The following USH2A variants were observed in gnomAD, a reference collection of about 807,000 sequenced individuals.
The protein encoded by USH2A is Usher syndrome 2A (autosomal recessive, mild).
In USH2A, 443 loss-of-function variants were observed where a neutral mutation model predicts 538.9. That is an observed-to-expected ratio of 0.82 (90% confidence interval 0.76 to 0.89). The LOEUF (loss-of-function observed/expected upper bound fraction) is 0.89, where lower values mean the gene tolerates loss of function less well. USH2A is among the 40% of genes least tolerant of loss of function. The pLI, the probability that USH2A is intolerant of heterozygous loss-of-function variation, is 0.00. For synonymous variants in USH2A, 2,413 were observed against 2,273.5 expected, an observed-to-expected ratio of 1.06 and a Z score of -1.75; for missense variants, 6,633 against 6,324.8, an observed-to-expected ratio of 1.05 and a Z score of -1.65.
intron 38 of USH2A, among the ~76,000 whole-genome samples, chr1:215,928,105 TAC>T (rs1320484531): frequency 6.6e-6 from 1 of 152,028 alleles, no homozygotes; most frequent in Non-Finnish European, 1.5e-5. Context: ...ATATTCAAAT[TAC>T]ACACAGTTTC....
At chr1:216,413,459 G>A (rs191691691) in intron 3 of USH2A, among the ~76,000 whole-genome samples, 106 of 152,080 alleles carry the variant, frequency 7.0e-4, no homozygotes, top group Middle Eastern at 3.4e-3. Context: ...GAGAGACTTG[G>A]TTTATCTATT....
intron 62 of USH2A, among the ~76,000 whole-genome samples, chr1:215,676,405 G>C (rs1658028883): frequency 6.6e-6 from 1 of 152,016 alleles, no homozygotes; most frequent in Non-Finnish European, 1.5e-5. Flanking sequence ...AGGTGTTTTT[G>C]AACAGTGATT....
At chr1:215,629,082 C>A (rs752039792) in intron 70 of USH2A, 47 bp from the exon 71 acceptor site, 1 of 1,548,034 alleles carries the variant, frequency 6.5e-7, no homozygotes, top group Non-Finnish European at 8.9e-7. Context: ...AGAATATGGG[C>A]TTGAAATATG....
At chr1:215,824,068 T>A (rs576774307) in intron 47 of USH2A, among the ~76,000 whole-genome samples, 11 of 152,228 alleles carry the variant, frequency 7.2e-5, no homozygotes, top group African/African-American at 2.6e-4. Context: ...AGATCCTACT[T>A]CCCTGTTTAA....
chr1:215,938,437 C>T (rs138619753), intron 37 of USH2A, among the ~76,000 whole-genome samples: 168 of 152,198 alleles, frequency 1.1e-3, no homozygotes, highest in African/African-American at 3.8e-3. Context: ...TTTTAAAATG[C>T]TTGTGCTCAG....
intron 43 of USH2A, among the ~76,000 whole-genome samples, chr1:215,875,662 T>C (rs1664743350): frequency 2.0e-5 from 3 of 151,940 alleles, no homozygotes; most frequent in African/African-American, 7.2e-5. Flanking sequence ...TTTTGGAAAC[T>C]TATTCTTTGT....
chr1:216,197,934 G>T (rs2034888341), intron 18 of USH2A, among the ~76,000 whole-genome samples: 2 of 152,102 alleles, frequency 1.3e-5, no homozygotes, highest in Admixed American at 1.3e-4. Context: ...TGTGGAATTG[G>T]TGACAGTTAT....
chr1:215,846,400 C>T (rs1663847446), intron 44 of USH2A, among the ~76,000 whole-genome samples: 1 of 152,006 alleles, frequency 6.6e-6, no homozygotes, highest in Non-Finnish European at 1.5e-5. Context: ...GTTTTGTAGA[C>T]ACAGGGTCTT....
chr1:215,913,447 C>T (rs1406238064), intron 38 of USH2A, among the ~76,000 whole-genome samples: 1 of 152,110 alleles, frequency 6.6e-6, no homozygotes, highest in South Asian at 2.1e-4. Context: ...CTTTGCTGAC[C>T]TGTTATGGGC....
In USH2A at chr1:216,190,442, C is replaced by T. The variant is rs1397825386; in HGVS notation, c.4252-75G>A. On this transcript the variant is annotated intron_variant, in intron 19 of 71. Coordinates refer to ENST00000307340, the MANE Select transcript of USH2A (RefSeq NM_206933.4). Reference sequence around the variant, plus strand: ...AGTGTGAAAATATAACCTTGGCAGTCAAAGTTCCATGAATTCAGACAGAGG... The same window carrying T: ...AGTGTGAAAATATAACCTTGGCAGTTAAAGTTCCATGAATTCAGACAGAGG... 15 of 1,542,104 alleles carry T rather than the reference C, an allele frequency of 9.7e-6. No homozygotes were observed. In the African/African-American group the frequency reaches 1.4e-4, roughly 14 times the overall value.
At chr1:216,216,601 C>A (rs557499217) in intron 15 of USH2A, among the ~76,000 whole-genome samples, 3 of 152,068 alleles carry the variant, frequency 2.0e-5, no homozygotes, top group South Asian at 4.2e-4. Context: ...CACATGTTCC[C>A]AGCAGGCATT....
Position 215,814,258 on chromosome 1 carries a change from A to G in USH2A, c.9571-354T>C, listed in dbSNP as rs553334519. Among the ~76,000 whole-genome samples, 548 of 147,032 alleles carry G rather than the reference A, an allele frequency of 3.7e-3. 3 individuals are homozygous for G. Among genetic ancestry groups the G allele is most frequent in the African/African-American group, 0.013 (520 of 40,794 alleles). Reference sequence around the variant, plus strand: ...ATAAGATGTATATCTTATATCTTACACATACACATATGTATATATACATAA... The same window carrying G: ...ATAAGATGTATATCTTATATCTTACGCATACACATATGTATATATACATAA... On this transcript the variant is annotated intron_variant, in intron 48 of 71. Coordinates refer to ENST00000307340, the MANE Select transcript of USH2A (RefSeq NM_206933.4).
intron 61 of USH2A, among the ~76,000 whole-genome samples, chr1:215,699,072 G>A (rs1286438734): frequency 6.6e-6 from 1 of 152,174 alleles, no homozygotes; most frequent in African/African-American, 2.4e-5. Context: ...TTATTAAATA[G>A]GGAATCCTTT....
intron 58 of USH2A, among the ~76,000 whole-genome samples, chr1:215,753,588 A>G (rs1161845017): frequency 6.6e-6 from 1 of 151,950 alleles, no homozygotes; most frequent in Admixed American, 6.6e-5. Flanking sequence ...ACATGTTCTC[A>G]CTCATAGGTG....
intron 44 of USH2A, among the ~76,000 whole-genome samples, chr1:215,866,622 A>G (rs936042775): frequency 6.6e-6 from 1 of 152,228 alleles, no homozygotes; most frequent in Non-Finnish European, 1.5e-5. Flanking sequence ...GAACAATAGT[A>G]CATTGTATCC....
chr1:216,280,068 G>C (rs747158151), intron 11 of USH2A, among the ~76,000 whole-genome samples: 12 of 151,664 alleles, frequency 7.9e-5, no homozygotes, highest in Non-Finnish European at 2.9e-5. Flanking sequence ...CTCCAGATAT[G>C]TCAAAGTACA....
At chr1:216,098,427 G>A (rs1481755955) in intron 21 of USH2A, among the ~76,000 whole-genome samples, 1 of 152,188 alleles carries the variant, frequency 6.6e-6, no homozygotes, top group Non-Finnish European at 1.5e-5. Context: ...TAAAAATACA[G>A]TCAGGCAGGA....
intron 61 of USH2A, among the ~76,000 whole-genome samples, chr1:215,687,123 G>A (rs1558054349): frequency 6.6e-6 from 1 of 152,066 alleles, no homozygotes; most frequent in African/African-American, 2.4e-5. Context: ...CACTATTGAC[G>A]ACTGGGTAAC....
At chr1:216,120,551 T>C (rs1408091653) in intron 21 of USH2A, among the ~76,000 whole-genome samples, 2 of 151,376 alleles carry the variant, frequency 1.3e-5, no homozygotes, top group Non-Finnish European at 2.9e-5. Flanking sequence ...AGCTAATCTC[T>C]TGCATTGTTA....
Sources: allele counts gnomAD v4.1 joint callset (sites outside exome capture counted in the v4.1 genomes callset), GRCh38; gene constraint gnomAD v4.1.1; transcripts MANE v1.5; gene names NCBI Gene and HGNC (gene_info 2026-07-23, HGNC 2026-07-21).